Variants in CREBRF observed in about 807,000 individuals in gnomAD.
The protein encoded by CREBRF is CREB3 regulatory factor, also known as UPF0474 protein C5orf41.
CREBRF carries 5 observed loss-of-function variants against 66.1 expected under a neutral mutation model. That is an observed-to-expected ratio of 0.08 (90% CI 0.04 to 0.16). The LOEUF (loss-of-function observed/expected upper bound fraction) is 0.16, where lower values mean the gene tolerates loss of function less well. Among genes scored for constraint, CREBRF ranks in the 10% least tolerant of loss-of-function variants. CREBRF has a pLI of 1.00. For synonymous variants in CREBRF, 229 were observed against 264.4 expected (o/e 0.87, Z 1.30); for missense variants, 531 against 744.9 (o/e 0.71, Z 3.34).
At chr5:173,068,654 A>G (rs927390606) in intron 1 of CREBRF, among the ~76,000 whole-genome samples, 10 of 134,296 alleles carry the variant, frequency 7.4e-5, no homozygotes, top group African/African-American at 2.9e-4. Context: ...TGATTAAACC[A>G]GCATAATTGA....
intron 4 of CREBRF, among the ~76,000 whole-genome samples, chr5:173,098,092 A>G (rs2113752173): frequency 6.6e-6 from 1 of 150,978 alleles, no homozygotes; most frequent in East Asian, 1.9e-4. Flanking sequence ...TTGTCTCAAC[A>G]TATTTTTCTA....
chr5:173,095,232 A>G lies in CREBRF; in HGVS notation c.1222+3831A>G, dbSNP rs1337702255. The stretch of plus-strand genomic sequence containing the variant: ...GAGATGGAGTCTCGTTCTGTTGCTC[A>G]GGCTGGAGTGCAGTGGCCCGATCTT... On this transcript the variant is annotated intron_variant, in intron 4 of 8. Transcript: ENST00000296953. Among the ~76,000 whole-genome samples the G allele has an allele frequency of 2.5e-4, 31 of 124,806 alleles. No homozygotes were observed. In the Admixed American group the frequency reaches 3.2e-3, roughly 13 times the overall value. 81.9% of individuals were successfully genotyped at this position (124,806 alleles called of 152,430 possible).
chr5:173,120,869 T>C (rs535379740), intron 7 of CREBRF, among the ~76,000 whole-genome samples: 1 of 151,260 alleles, frequency 6.6e-6, no homozygotes, highest in African/African-American at 2.4e-5. Context: ...AATTTTTATA[T>C]TTTATTAGAC....
In CREBRF at chr5:173,090,679, C is replaced by T; in HGVS notation, c.500C>T (p.Pro167Leu). 1 of 1,614,124 alleles carries T rather than the reference C, an allele frequency of 6.2e-7. No individual in the cohort carries two copies. The highest frequency in any genetic ancestry group is 8.5e-7 in the Non-Finnish European group (1 of 1,180,020). Residue 167 changes from proline (P) to leucine (L), a missense_variant, in exon 4 of 9, where the codon CCC (proline) becomes CTC (leucine). This residue lies in a region of CREBRF where 133 missense variants were observed against 215.6 expected (regional missense o/e 0.62). Transcript: ENST00000296953. This position sits in a 1 kb window ranked among gnomAD's most constrained non-coding sequence, Gnocchi z 4.5. Reference sequence around the variant, plus strand: ...TCACTTTTCAGTGTCAAACAAAATCCCTTACCCTCTTCATTCCCTGGTAAA... The same window carrying T: ...TCACTTTTCAGTGTCAAACAAAATCTCTTACCCTCTTCATTCCCTGGTAAA... ...PDSLFSVKQNPLPSSFPGKKI... is the reference protein window; with the variant it reads ...PDSLFSVKQNLLPSSFPGKKI...
intron 4 of CREBRF, chr5:173,092,424 T>A (rs1465670797): frequency 2.0e-6 from 2 of 985,348 alleles, no homozygotes; most frequent in African/African-American, 3.5e-5. Context: ...AGCATTTACA[T>A]GCTTGGGCTT....
intron 4 of CREBRF, chr5:173,092,405 G>A (rs1388470347): frequency 2.0e-6 from 2 of 985,396 alleles, no homozygotes; most frequent in Non-Finnish European, 2.4e-6. Flanking sequence ...GGGGGAACTG[G>A]TTCACTTTAG....
At chr5:173,060,486 C>G (rs1469226055) in intron 1 of CREBRF, 3 of 152,184 alleles carry the variant, frequency 2.0e-5, no homozygotes, top group Non-Finnish European at 2.9e-5. Flanking sequence ...CCGCATTGGC[C>G]TCCCAAAGAG....
At chr5:173,077,149 T>C (rs1462227084) in intron 1 of CREBRF, among the ~76,000 whole-genome samples, 1 of 152,024 alleles carries the variant, frequency 6.6e-6, no homozygotes, top group Non-Finnish European at 1.5e-5. Context: ...TTCACCATAT[T>C]GGCCAGGCTA....
Position 173,106,946 on chromosome 5 carries a change from C to T in CREBRF, c.1223-1678C>T, listed in dbSNP as rs545515666. On this transcript the variant is annotated intron_variant, in intron 4 of 8. Coordinates refer to ENST00000296953, the MANE Select transcript of CREBRF (RefSeq NM_153607.3). ...TGTATTTTTAGTAGAGATGAGGTTT[C>T]GCCATGTGGGCCAGGCTGGTCTCGA... Among the ~76,000 whole-genome samples the T allele has an allele frequency of 1.2e-3, 184 of 152,202 alleles. 3 individuals carry two copies. The South Asian group carries it at 0.015, about 12-fold the overall frequency.
intron 4 of CREBRF, among the ~76,000 whole-genome samples, chr5:173,107,609 G>C (rs1581031943): frequency 6.6e-6 from 1 of 152,144 alleles, no homozygotes; most frequent in Admixed American, 6.6e-5. Flanking sequence ...TCCAAAAGAA[G>C]TGGTGTGACA....
intron 7 of CREBRF, among the ~76,000 whole-genome samples, chr5:173,114,329 T>C (rs1225363253): frequency 6.6e-6 from 1 of 152,184 alleles, no homozygotes; most frequent in East Asian, 1.9e-4. Context: ...CTCCTAGATA[T>C]CTGGAAGTCA....
intron 3 of CREBRF, among the ~76,000 whole-genome samples, chr5:173,087,656 A>G (rs908901174): frequency 4.0e-5 from 6 of 149,484 alleles, no homozygotes; most frequent in African/African-American, 1.5e-4. Context: ...AGATCGCCCC[A>G]TAGCATTCCA....
rs939868051 is a variant in CREBRF, at chr5:173,056,411, G to T, written c.-260G>T. On this transcript the variant is annotated 5_prime_UTR_variant, in exon 1 of 9. Transcript: ENST00000296953. ...ACATAAACAAAACAAACCCGAGGCA[G>T]CATGGAGAGGGGCCGTGGCCCCTGC... 7.5e-6 allele frequency: 3 copies of T among 398,192 alleles called. No individual in the cohort carries two copies. The highest frequency in any genetic ancestry group is 4.1e-5 in the African/African-American group (2 of 48,622). 24.7% of individuals were successfully genotyped at this position (398,192 alleles called of 1,614,324 possible).
Position 173,081,688 on chromosome 5 carries a change from C to T in CREBRF, c.9+904C>T, listed in dbSNP as rs191100556. On this transcript the variant is annotated intron_variant, in intron 2 of 8. Transcript: ENST00000296953. Reference sequence around the variant, plus strand: ...CTGTAATCCCAGCACTTTGGGAGGCCGAGACAGGCGGATCACAGGTCAGGA... The same window carrying T: ...CTGTAATCCCAGCACTTTGGGAGGCTGAGACAGGCGGATCACAGGTCAGGA... Among the ~76,000 whole-genome samples the T allele has an allele frequency of 9.9e-4, 150 of 152,140 alleles. 2 individuals carry two copies. The highest frequency in any genetic ancestry group is 1.5e-3 in the Non-Finnish European group (99 of 67,984).
At chr5:173,065,558 T>G (rs557206581) in intron 1 of CREBRF, among the ~76,000 whole-genome samples, 1 of 152,166 alleles carries the variant, frequency 6.6e-6, no homozygotes, top group East Asian at 1.9e-4. Context: ...CCTTTCATTC[T>G]GACTCTATTT....
At chr5:173,085,414 T>A in intron 2 of CREBRF, 2 of 294,784 alleles carry the variant, frequency 6.8e-6, no homozygotes, top group South Asian at 5.8e-5. Context: ...AAATACATTC[T>A]TTTTTTTTTT....
chr5:173,129,718 CAA>C (rs36113811), intron 8 of CREBRF, among the ~76,000 whole-genome samples: 49,960 of 104,742 alleles, frequency 0.48, 9,469 homozygotes, highest in Non-Finnish European at 0.52. Context: ...GACCTCATCT[CAA>C]AAAAAAAAAA....
chr5:173,125,663 GATC>G (rs1759254016), intron 8 of CREBRF, among the ~76,000 whole-genome samples: 1 of 152,096 alleles, frequency 6.6e-6, no homozygotes, highest in Admixed American at 6.5e-5. Flanking sequence ...AGGAGATCGA[GATC>G]ATCCTGGCTA....
At chr5:173,106,906 T>C (rs1409881882) in intron 4 of CREBRF, among the ~76,000 whole-genome samples, 1 of 151,984 alleles carries the variant, frequency 6.6e-6, no homozygotes, top group Non-Finnish European at 1.5e-5. Context: ...CCCACCACCA[T>C]GCCCGGCTAA....
Sources: allele counts gnomAD v4.1 joint callset (sites outside exome capture counted in the v4.1 genomes callset), GRCh38; gene constraint gnomAD v4.1.1; regional missense constraint gnomAD v4.1.1; non-coding constraint Gnocchi (gnomAD v3.1); transcripts MANE v1.5; gene names NCBI Gene and HGNC (gene_info 2026-07-23, HGNC 2026-07-21).